The following TNXB variants were observed in gnomAD, a reference collection of about 807,000 sequenced individuals.
TNXB encodes tenascin-X.
Under a neutral mutation model 340.5 loss-of-function variants are expected in TNXB, and 183 were observed. The observed-to-expected ratio is 0.54, with a 90% confidence interval of 0.48 to 0.61. The LOEUF (loss-of-function observed/expected upper bound fraction) is 0.61. Among genes scored for constraint, TNXB ranks in the 20% least tolerant of loss-of-function variants. The pLI is 0.00. For synonymous variants in TNXB, 2,121 were observed against 2,314.5 expected (o/e 0.92, Z 2.40); for missense variants, 4,613 against 5,446.4 (o/e 0.85, Z 4.82).
rs753053853 is a variant in TNXB at position 32,096,956 on chromosome 6, G to C, written c.897C>G (p.Pro299=). 1.3e-6 allele frequency: 2 copies of C among 1,591,050 alleles called. No homozygotes were observed. Among genetic ancestry groups the C allele is most frequent in the Non-Finnish European group, 8.6e-7 (1 of 1,162,644 alleles). Residue 299 remains proline, a synonymous_variant, in exon 3 of 44, where the codon CCC becomes CCG. Transcript: ENST00000644971. ...RCENGRCVCN[P]GYTGEDCGVR... ...CCCCACAGTCCTCGCCAGTGTAGCC[G>C]GGGTTACACACGCAGCGCCCATTCT...
In TNXB at chr6:32,062,102, G is replaced by C; in HGVS notation, c.7168+55C>G. On this transcript the variant is annotated intron_variant, in intron 20 of 43. Transcript: ENST00000644971. The surrounding 1 kb of genome is among the most constrained non-coding windows in gnomAD (Gnocchi z 4.3). ...ATTCCCCACCAGTCATCACCAAAGAGCAAGAGGGTGACCCTCCCATGGCTC... is the reference window on the plus strand; with the variant it reads ...ATTCCCCACCAGTCATCACCAAAGACCAAGAGGGTGACCCTCCCATGGCTC... 1.3e-6 allele frequency: 2 copies of C among 1,558,774 alleles called. No homozygotes were observed. Among genetic ancestry groups the C allele is most frequent in the Non-Finnish European group, 1.7e-6 (2 of 1,149,302 alleles).
At chr6:32,063,059 A>C (rs1406502155) in intron 19 of TNXB, among the ~76,000 whole-genome samples, 2 of 151,210 alleles carry the variant, frequency 1.3e-5, no homozygotes, top group African/African-American at 2.4e-5. Context: ...TCTCAAGAAA[A>C]AAACAAACAA....
rs1305145240 is a variant in TNXB at position 32,069,606 on chromosome 6, TA to T, written c.5533del (p.Tyr1845ThrfsTer43). ...CACACGCTTGCCGTGGTGCAGCCCG[TA>T]GAGCAGCAGCTTGTACCTGTGGGCA... ...DPAHRYKLLL[Y>X]GLHHGKRVGP... On this transcript the variant is annotated frameshift_variant, in exon 15 of 44. Coordinates refer to ENST00000644971, the MANE Select transcript of TNXB (RefSeq NM_001365276.2). LOFTEE classifies it high-confidence loss of function. This position sits in a 1 kb window ranked among gnomAD's most constrained non-coding sequence, Gnocchi z 6.2. The T allele has an allele frequency of 6.2e-7, 1 of 1,604,892 alleles. No homozygotes were observed.
Position 32,096,726 on chromosome 6 carries a change from T to C in TNXB, c.1127A>G (p.Asp376Gly), listed in dbSNP as rs1216614768. 1.3e-6 allele frequency: 2 copies of C among 1,551,222 alleles called. No homozygotes were observed. The highest frequency in any genetic ancestry group is 3.9e-5 in the Admixed American group (2 of 51,672). Reference sequence around the variant, plus strand: ...CTCGCAGCGCCCGCGGCCCCGGCAGTCCCTCGGACATGTCCGCGTGCTGCA... The same window carrying C: ...CTCGCAGCGCCCGCGGCCCCGGCAGCCCCTCGGACATGTCCGCGTGCTGCA... Reference protein sequence around the residue: ...EDCSTRTCPRDCRGRGRCEDG... With the variant: ...EDCSTRTCPRGCRGRGRCEDG... Residue 376 changes from aspartate (D) to glycine (G), a missense_variant, in exon 3 of 44, where the codon GAC (aspartate) becomes GGC (glycine). Transcript: ENST00000644971.
chr6:32,096,737 T>A lies in TNXB; in HGVS notation c.1116A>T (p.Thr372=). ...CGCGGCCCCGGCAGTCCCTCGGACA[T>A]GTCCGCGTGCTGCAGTCCTCGCCTG... The part of the protein sequence containing the change: ...GYTGEDCSTR[T]CPRDCRGRGR... Residue 372 remains threonine, a synonymous_variant, in exon 3 of 44, where the codon ACA becomes ACT. Transcript: ENST00000644971. 1 of 1,510,486 alleles carries A rather than the reference T, an allele frequency of 6.6e-7. No homozygotes were observed. The highest frequency in any genetic ancestry group is 8.9e-7 in the Non-Finnish European group (1 of 1,129,748). 93.6% of individuals were successfully genotyped at this position (1,510,486 alleles called of 1,614,324 possible). A position where few individuals can be genotyped will look rare whatever the true frequency, so the allele number is the denominator to read the frequency against.
At position 32,069,875 on chromosome 6, in the gene TNXB, AC is replaced by A. The variant is rs1778655711; in HGVS notation, c.5279-15del. The A allele has an allele frequency of 6.4e-7, 1 of 1,574,156 alleles. No homozygotes were observed. The highest frequency in any genetic ancestry group is 1.4e-5 in the African/African-American group (1 of 73,660). On this transcript the variant is annotated splice_polypyrimidine_tract_variant and intron_variant, in intron 14 of 43. Coordinates refer to ENST00000644971, the MANE Select transcript of TNXB (RefSeq NM_001365276.2). The surrounding 1 kb of genome is among the most constrained non-coding windows in gnomAD (Gnocchi z 6.2). ...CACTCCGGGCTTCTGAGATGGAGAC[AC>A]GGAGAGGAAACGGCTGAGCTGTTTC...
At position 32,088,934 on chromosome 6, in the gene TNXB, G is replaced by A; in HGVS notation, c.2630C>T (p.Ala877Val). The change falls in exon 6 of 44, where the codon GCC (alanine) becomes GTC (valine). Residue 877 changes from alanine to valine, a missense_variant. Physicochemically the swap from Ala to Val is moderately conservative, Grantham distance 64 (BLOSUM62 0). Transcript: ENST00000644971. ...VDRFVVSYVS[A>V]GNQRVRLEVP... Reference sequence around the variant, plus strand: ...TTCCAGCCTCACCCTCTGGTTGCCGGCACTGACGTAGGACACCACAAATCG... The same window carrying A: ...TTCCAGCCTCACCCTCTGGTTGCCGACACTGACGTAGGACACCACAAATCG... The A allele has an allele frequency of 6.2e-7, 1 of 1,604,172 alleles. No homozygotes were observed. Among genetic ancestry groups the A allele is most frequent in the Non-Finnish European group, 8.5e-7 (1 of 1,175,660 alleles).
chr6:32,069,139 G>T lies in TNXB; in HGVS notation c.5588-3C>A. 2.5e-6 allele frequency: 4 copies of T among 1,602,852 alleles called. No individual in the cohort carries two copies. The highest frequency in any genetic ancestry group is 3.4e-6 in the Non-Finnish European group (4 of 1,177,330). On this transcript the variant is annotated splice_polypyrimidine_tract_variant and splice_region_variant and intron_variant, in intron 15 of 43. Transcript: ENST00000644971. This position sits in a 1 kb window ranked among gnomAD's most constrained non-coding sequence, Gnocchi z 6.2. ...AGTTTCCGTTTCTTCCCTGCCGGCTGGTTCACAGAGACAGGTAGAGACAGA... is the reference window on the plus strand; with the variant it reads ...AGTTTCCGTTTCTTCCCTGCCGGCTTGTTCACAGAGACAGGTAGAGACAGA...
Position 32,046,159 on chromosome 6 carries a change from G to C in TNXB, c.10606+16C>G. The C allele has an allele frequency of 6.3e-7, 1 of 1,575,526 alleles. No individual in the cohort carries two copies. The highest frequency in any genetic ancestry group is 8.7e-7 in the Non-Finnish European group (1 of 1,155,084). On this transcript the variant is annotated intron_variant, in intron 31 of 43. Coordinates refer to ENST00000644971, the MANE Select transcript of TNXB (RefSeq NM_001365276.2). The surrounding 1 kb of genome is among the most constrained non-coding windows in gnomAD (Gnocchi z 6.9). Reference sequence around the variant, plus strand: ...CACACAAGCTGGCTTGCTATAGCCAGGCACAGCAGCCTCACCTGTCATTCC... The same window carrying C: ...CACACAAGCTGGCTTGCTATAGCCACGCACAGCAGCCTCACCTGTCATTCC...
chr6:32,060,482 T>C (rs1032913023), intron 21 of TNXB, among the ~76,000 whole-genome samples: 1 of 151,704 alleles, frequency 6.6e-6, no homozygotes, highest in Non-Finnish European at 1.5e-5. Context: ...TAAGAAAATT[T>C]GGACTATGCA....
At position 32,049,391 on chromosome 6, in the gene TNXB, G is replaced by C. The variant is rs762483929; in HGVS notation, c.9636C>G (p.Val3212=). 4.8e-5 allele frequency: 77 copies of C among 1,612,524 alleles called. No homozygotes were observed. The highest frequency in any genetic ancestry group is 6.3e-5 in the Non-Finnish European group (74 of 1,179,880). The change falls in exon 28 of 44, where the codon GTC becomes GTG. Residue 3212 remains valine, a synonymous_variant. Transcript: ENST00000644971. This position sits in a 1 kb window ranked among gnomAD's most constrained non-coding sequence, Gnocchi z 4.5. The part of the protein sequence containing the change: ...DRDGQPQVVR[V]RGEESEVTVG... ...CGGTGACCTCGCTCTCCTCGCCCCT[G>C]ACACGCACCACCTGGGGCTGCCCGT...
chr6:32,070,685 C>T lies in TNXB; in HGVS notation c.4991-271G>A, dbSNP rs1324490646. On this transcript the variant is annotated intron_variant, in intron 13 of 43. Transcript: ENST00000644971. This position sits in a 1 kb window ranked among gnomAD's most constrained non-coding sequence, Gnocchi z 6.0. ...CTCCCCTTTCTGTCCAGCCTCTTTC[C>T]GCCTCTCACAGACTGCTTCCCCAGC... Among the ~76,000 whole-genome samples the T allele has an allele frequency of 6.6e-6, 1 of 152,194 alleles. No individual in the cohort carries two copies. The highest frequency in any genetic ancestry group is 1.5e-5 in the Non-Finnish European group (1 of 68,036).
In TNXB at chr6:32,042,483, T is replaced by C; in HGVS notation, c.12182A>G (p.Asp4061Gly). The stretch of plus-strand genomic sequence containing the variant: ...CCAGCCGCCCCCATCAGTCTCCATG[T>C]CGCAAAACACGTTCAGGGGCCGCTC... Reference protein sequence around the residue: ...NRERPLNVFCDMETDGGGWLV... With the variant: ...NRERPLNVFCGMETDGGGWLV... Residue 4061 changes from aspartate (D) to glycine (G), a missense_variant, in exon 40 of 44, where the codon GAC becomes GGC. Coordinates refer to ENST00000644971, the MANE Select transcript of TNXB (RefSeq NM_001365276.2). 6.2e-7 allele frequency: 1 copy of C among 1,612,742 alleles called. No individual in the cohort carries two copies. Among genetic ancestry groups the C allele is most frequent in the Non-Finnish European group, 8.5e-7 (1 of 1,179,980 alleles).
rs780622544 is a variant in TNXB, at chr6:32,058,121, T to G, written c.7762A>C (p.Met2588Leu). The change falls in exon 22 of 44, where the codon ATG becomes CTG. Residue 2588 changes from methionine (M) to leucine (L), a missense_variant. Around this residue, in one of 7 missense-constraint regions of TNXB, gnomAD observed 4,327 missense variants for 4,859.4 expected, o/e 0.89. Transcript: ENST00000644971. This position sits in a 1 kb window ranked among gnomAD's most constrained non-coding sequence, Gnocchi z 5.1. ...CCCTCGTGGAGGCCGTACAGGTGCA[T>G]CTTGTACTTGCGCCCAGGCTCCAGG... ...RGLEPGRKYK[M>L]HLYGLHEGRR... The G allele has an allele frequency of 1.7e-5, 27 of 1,612,752 alleles. No homozygotes were observed. Among genetic ancestry groups the G allele is most frequent in the Non-Finnish European group, 2.2e-5 (26 of 1,179,782 alleles).
rs757768417 is a variant in TNXB at position 32,067,754 on chromosome 6, C to T, written c.6451G>A (p.Gly2151Arg). 1 of 1,613,564 alleles carries T rather than the reference C, an allele frequency of 6.2e-7. No individual in the cohort carries two copies. ...TACTTGCGCCCAGGCTCCAGGCCCC[C>T]CACGGTGACTTCACTCTCCTCGCCC... ...VGGEESEVTV[G>R]GLEPGRKYKM... Residue 2151 changes from glycine to arginine, a missense_variant, in exon 18 of 44, where the codon GGG (glycine) becomes AGG (arginine). This residue lies in a region of TNXB where 4,327 missense variants were observed against 4,859.4 expected (regional missense o/e 0.89). Transcript: ENST00000644971. The surrounding 1 kb of genome is among the most constrained non-coding windows in gnomAD (Gnocchi z 4.2).
Position 32,079,145 on chromosome 6 carries a change from C to T in TNXB, c.4263G>A (p.Lys1421=). The T allele has an allele frequency of 6.2e-7, 1 of 1,613,860 alleles. No individual in the cohort carries two copies. The highest frequency in any genetic ancestry group is 8.5e-7 in the Non-Finnish European group (1 of 1,179,888). ...GGCCTCCCACGGTGACCTCACTCTC[C>T]TTGCCCCCAACACGCACCGCCCGGG... is the stretch of plus-strand genomic sequence containing the variant. ...GRPRAVRVGG[K]ESEVTVGGLE... Residue 1421 remains lysine, a synonymous_variant, in exon 11 of 44, where the codon AAG becomes AAA. Transcript: ENST00000644971. This position sits in a 1 kb window ranked among gnomAD's most constrained non-coding sequence, Gnocchi z 7.1.
intron 1 of TNXB, among the ~76,000 whole-genome samples, chr6:32,099,946 T>TAAAAA (rs34833929): frequency 2.8e-3 from 175 of 62,414 alleles, no homozygotes; most frequent in Non-Finnish European, 3.6e-3. Flanking sequence ...CATCCCTAAG[T>TAAAAA]AAAAAAAAAA....
Position 32,046,111 on chromosome 6 carries a change from C to T in TNXB, c.10606+64G>A, listed in dbSNP as rs1250897018. 6.5e-7 allele frequency: 1 copy of T among 1,537,086 alleles called. No individual in the cohort carries two copies. The highest frequency in any genetic ancestry group is 8.8e-7 in the Non-Finnish European group (1 of 1,139,076). On this transcript the variant is annotated intron_variant, in intron 31 of 43. Transcript: ENST00000644971. This position sits in a 1 kb window ranked among gnomAD's most constrained non-coding sequence, Gnocchi z 6.9. ...CCACTCCTGCAGTCATCTTTGTCTT[C>T]AGCCCAAATGCACAAGGAAACCCAC...
At chr6:32,078,898 G>T in intron 11 of TNXB, 135 bp downstream of exon 11, 1 of 954,568 alleles carries the variant, frequency 1.0e-6, no homozygotes, top group Non-Finnish European at 1.5e-6. Context: ...CCAGTCCCCA[G>T]TGACATGCTC....
Sources: gnomAD v4.1 joint callset for allele counts (sites outside exome capture counted in the v4.1 genomes callset) on GRCh38, gnomAD v4.1.1 for gene constraint, gnomAD v4.1.1 regional missense constraint, Gnocchi (gnomAD v3.1) non-coding constraint, MANE v1.5 for transcripts, NCBI Gene and HGNC (gene_info 2026-07-23, HGNC 2026-07-21) for gene names.